FMO3: variants seen among roughly 807,000 people sequenced by gnomAD.
The protein encoded by FMO3 is flavin containing dimethylaniline monoxygenase 3, also known as flavin-containing monooxygenase 3.
A neutral mutation model predicts 39.4 loss-of-function variants in FMO3; 40 were observed. That is an observed-to-expected ratio of 1.02 (90% CI 0.79 to 1.32). FMO3 has a LOEUF of 1.32. Among genes scored for constraint, FMO3 ranks in the 40% most tolerant of loss-of-function variants. FMO3 has a pLI of 0.00. For missense variants in FMO3, 680 were observed against 651.8 expected (o/e 1.04, Z -0.47); for synonymous variants, 219 against 228.8 (o/e 0.96, Z 0.39).
chr1:171,092,234 T>C (rs754845263), intron 1 of FMO3, among the ~76,000 whole-genome samples: 3 of 152,090 alleles, frequency 2.0e-5, no homozygotes, highest in Non-Finnish European at 4.4e-5. Flanking sequence ...GAATTTGTTT[T>C]CTAGAGACAA....
intron 8 of FMO3, among the ~76,000 whole-genome samples, chr1:171,116,630 T>C (rs1656165894): frequency 6.6e-6 from 1 of 152,198 alleles, no homozygotes; most frequent in African/African-American, 2.4e-5. Flanking sequence ...ACTTCCATTC[T>C]CTAGCCCATA....
intron 3 of FMO3, among the ~76,000 whole-genome samples, chr1:171,105,291 T>C (rs989891173): frequency 3.9e-4 from 59 of 152,180 alleles, no homozygotes; most frequent in Non-Finnish European, 4.4e-5. Flanking sequence ...TTTATGACAT[T>C]ATTACCTTTA....
chr1:171,098,467 G>A (rs1406761935), intron 2 of FMO3, among the ~76,000 whole-genome samples: 1 of 152,062 alleles, frequency 6.6e-6, no homozygotes, highest in African/African-American at 2.4e-5. Flanking sequence ...TCATTTTGTT[G>A]AGCAGTGGTT....
chr1:171,096,715 A>G (rs1478460892), intron 2 of FMO3, among the ~76,000 whole-genome samples: 1 of 139,776 alleles, frequency 7.2e-6, no homozygotes, highest in African/African-American at 2.6e-5. Flanking sequence ...AAAAATTAAT[A>G]TAATTATATT....
chr1:171,102,341 T>A (rs72712649), intron 2 of FMO3, among the ~76,000 whole-genome samples: 21,873 of 152,182 alleles, frequency 0.14, 1,992 homozygotes, highest in Non-Finnish European at 0.2. Context: ...TACAATCTGA[T>A]CTTTCATCAT....
chr1:171,096,782 T>TCAAAAA (rs1164601795), intron 2 of FMO3, among the ~76,000 whole-genome samples: 1 of 90,964 alleles, frequency 1.1e-5, no homozygotes, highest in Non-Finnish European at 2.2e-5. Context: ...TATAATTATA[T>TCAAAAA]TAAAAATATA....
chr1:171,097,870 C>T (rs1381907054), intron 2 of FMO3, among the ~76,000 whole-genome samples: 2 of 152,190 alleles, frequency 1.3e-5, no homozygotes, highest in South Asian at 2.1e-4. Flanking sequence ...CTTGCCCGTG[C>T]CTATGTCCTG....
chr1:171,117,714 A>G lies in FMO3; in HGVS notation c.*272A>G, dbSNP rs923414253. 3.2e-5 allele frequency: 10 copies of G among 312,656 alleles called. No individual in the cohort carries two copies. The Admixed American group carries it at 4.0e-4, about 13-fold the overall frequency. The allele number at this position is 312,656 out of a possible 1,614,324, so 19.4% of individuals were successfully genotyped here. Reference sequence around the variant, plus strand: ...ACTATGTTCTTTATATCTAACTTAAATCATTTCCTGAAACATTTTGACATG... The same window carrying G: ...ACTATGTTCTTTATATCTAACTTAAGTCATTTCCTGAAACATTTTGACATG... On this transcript the variant is annotated 3_prime_UTR_variant, in exon 9 of 9. Transcript: ENST00000367755.
intron 2 of FMO3, among the ~76,000 whole-genome samples, chr1:171,096,198 T>C (rs1233813002): frequency 1.1e-5 from 1 of 89,112 alleles, no homozygotes; most frequent in Admixed American, 2.0e-4. Flanking sequence ...TATATATTTA[T>C]ATCAATATAA....
chr1:171,108,835 G>A (rs1012227248), intron 5 of FMO3, among the ~76,000 whole-genome samples: 1 of 152,104 alleles, frequency 6.6e-6, no homozygotes, highest in Non-Finnish European at 1.5e-5. Context: ...AGTGATTCAG[G>A]CACTAAATGC....
chr1:171,117,472 T>C lies in FMO3; in HGVS notation c.*30T>C. 1 of 1,566,482 alleles carries C rather than the reference T, an allele frequency of 6.4e-7. No individual in the cohort carries two copies. Among genetic ancestry groups the C allele is most frequent in the Non-Finnish European group, 8.8e-7 (1 of 1,139,190 alleles). ...CATTTTCTCTAGGATTTCTGAAAGT[T>C]ACTGACAATACCCAGACAGGGGCTT... On this transcript the variant is annotated 3_prime_UTR_variant, in exon 9 of 9. Transcript: ENST00000367755.
At chr1:171,106,351 G>T (rs1655638253) in intron 3 of FMO3, among the ~76,000 whole-genome samples, 1 of 151,996 alleles carries the variant, frequency 6.6e-6, no homozygotes, top group African/African-American at 2.4e-5. Flanking sequence ...TGTTGGTCAG[G>T]CTGGTCTCAA....
rs1656194750 is a variant in FMO3 at position 171,117,166 on chromosome 1, T to C, written c.1323T>C (p.Ile441=). Residue 441 remains isoleucine, a synonymous_variant, in exon 9 of 9, where the codon ATT becomes ATC. Coordinates refer to ENST00000367755, the MANE Select transcript of FMO3 (RefSeq NM_001002294.3). The part of the protein sequence containing the change: ...IVYMDELSSF[I]GAKPNIPWLF... ...ATATGGATGAACTCTCCTCCTTCAT[T>C]GGGGCAAAGCCCAACATCCCATGGC... is the stretch of plus-strand genomic sequence containing the variant. 1.2e-6 allele frequency: 2 copies of C among 1,614,206 alleles called. No homozygotes were observed. The highest frequency in any genetic ancestry group is 2.2e-5 in the South Asian group (2 of 91,086).
rs553266174 is a variant in FMO3 at position 171,098,222 on chromosome 1, T to C, written c.132+5432T>C. On this transcript the variant is annotated intron_variant, in intron 2 of 8. Coordinates refer to ENST00000367755, the MANE Select transcript of FMO3 (RefSeq NM_001002294.3). ...TGTAGTATAGTTTGAAGTCAGGTAG[T>C]GTGATGCCTCCAGCTTTATTCTTTT... Among the ~76,000 whole-genome samples, 1,466 of 152,230 alleles carry C rather than the reference T, an allele frequency of 9.6e-3. 21 individuals are homozygous for C. Among genetic ancestry groups the C allele is most frequent in the African/African-American group, 0.034 (1,408 of 41,534 alleles).
chr1:171,115,684 G>A (rs948162861), intron 7 of FMO3, among the ~76,000 whole-genome samples: 1 of 152,154 alleles, frequency 6.6e-6, no homozygotes, highest in African/African-American at 2.4e-5. Context: ...GGATCCTGGG[G>A]CAGCCCCAAG....
chr1:171,096,072 T>TATATAATATATATTATATATA (rs1655007357), intron 2 of FMO3, among the ~76,000 whole-genome samples: 4 of 50,678 alleles, frequency 7.9e-5, no homozygotes, highest in Admixed American at 7.1e-4. Context: ...TATTATATAT[T>TATATAATATATATTATATATA]AATATATAAT....
intron 7 of FMO3, among the ~76,000 whole-genome samples, chr1:171,114,999 T>C (rs1244957906): frequency 6.6e-6 from 1 of 152,056 alleles, no homozygotes; most frequent in Non-Finnish European, 1.5e-5. Context: ...ACAAACTTGA[T>C]TGGGGTCAGG....
chr1:171,106,148 T>C (rs150382812), intron 3 of FMO3, among the ~76,000 whole-genome samples: 2 of 152,140 alleles, frequency 1.3e-5, no homozygotes, highest in African/African-American at 2.4e-5. Flanking sequence ...GAATTTTTTT[T>C]TTTTGTTTTG....
rs1249580892 is a variant in FMO3, at chr1:171,092,720, G to A, written c.62G>A (p.Cys21Tyr). ...GVSGLASIRS[C>Y]LEEGLEPTCF... ...AGTGGCTTGGCCTCCATCAGGAGCT[G>A]TCTGGAAGAGGGGCTGGAGCCCACC... Residue 21 changes from cysteine (C) to tyrosine (Y), a missense_variant, in exon 2 of 9, where the codon TGT becomes TAT. By Grantham distance (194) the Cys-to-Tyr change is radical. Transcript: ENST00000367755. 1 of 1,614,142 alleles carries A rather than the reference G, an allele frequency of 6.2e-7. No individual in the cohort carries two copies.
Sources: gnomAD v4.1 joint callset for allele counts (sites outside exome capture counted in the v4.1 genomes callset) on GRCh38, gnomAD v4.1.1 for gene constraint, MANE v1.5 for transcripts, NCBI Gene and HGNC (gene_info 2026-07-23, HGNC 2026-07-21) for gene names.